The following XKR6 variants were observed in gnomAD, a reference collection of about 807,000 sequenced individuals.
XKR6 encodes the protein XK-related protein 6.
In XKR6, 22 loss-of-function variants were observed where a neutral mutation model predicts 56.7. That is an observed-to-expected ratio of 0.39 (90% CI 0.28 to 0.55). The LOEUF (loss-of-function observed/expected upper bound fraction) is 0.55, where lower values mean the gene tolerates loss of function less well. Ranked by LOEUF, XKR6 falls within the 20% of genes least tolerant of loss-of-function variation. The pLI, the probability that XKR6 is intolerant of heterozygous loss-of-function variation, is 0.66. For missense variants in XKR6, 852 were observed against 889.0 expected (o/e 0.96, Z 0.53); for synonymous variants, 524 against 387.8 (o/e 1.35, Z -4.13).
At chr8:11,042,278 G>C (rs1799305006) in intron 1 of XKR6, among the ~76,000 whole-genome samples, 1 of 150,956 alleles carries the variant, frequency 6.6e-6, no homozygotes, top group South Asian at 2.1e-4. Context: ...TACTAGTTGA[G>C]TATCTGATAT....
intron 1 of XKR6, among the ~76,000 whole-genome samples, chr8:11,192,943 T>C (rs915182313): frequency 2.0e-5 from 3 of 152,190 alleles, no homozygotes; most frequent in African/African-American, 4.8e-5. Context: ...TCCCAAGCCA[T>C]GGGTTTGGCA....
chr8:10,988,077 G>C (rs10216401), intron 1 of XKR6, among the ~76,000 whole-genome samples: 1 of 152,148 alleles, frequency 6.6e-6, no homozygotes, highest in East Asian at 1.9e-4. Context: ...GGCTGTTCCC[G>C]GGCCATCCCC....
At chr8:11,197,656 T>G (rs116080555) in intron 1 of XKR6, among the ~76,000 whole-genome samples, 1,573 of 152,338 alleles carry the variant, frequency 0.01, 32 homozygotes, top group African/African-American at 0.036. Flanking sequence ...AATCACACAC[T>G]AGTGCTCTGC....
intron 1 of XKR6, among the ~76,000 whole-genome samples, chr8:10,999,326 A>T (rs548327157): frequency 6.6e-6 from 1 of 152,350 alleles, no homozygotes; most frequent in African/African-American, 2.4e-5. Context: ...TCTGTTGGCT[A>T]AGGAGATGCA....
intron 2 of XKR6, among the ~76,000 whole-genome samples, chr8:10,912,823 C>CATAT (rs567939912): frequency 7.7e-6 from 1 of 129,936 alleles, no homozygotes; most frequent in Non-Finnish European, 1.6e-5. Flanking sequence ...AGTATATATA[C>CATAT]ATATATATAT....
intron 1 of XKR6, among the ~76,000 whole-genome samples, chr8:10,971,990 AC>A (rs1274266741): frequency 1.3e-5 from 2 of 151,982 alleles, no homozygotes; most frequent in African/African-American, 4.8e-5. Context: ...CTTTCCCTCC[AC>A]CTCCGATCAA....
intron 1 of XKR6, among the ~76,000 whole-genome samples, chr8:11,189,376 T>C (rs1016951045): frequency 2.8e-4 from 43 of 152,208 alleles, no homozygotes; most frequent in African/African-American, 9.6e-4. Context: ...CTCAATTATA[T>C]GTCATAATTT....
chr8:11,108,278 A>C (rs763620402), intron 1 of XKR6: 6 of 456,024 alleles, frequency 1.3e-5, no homozygotes, highest in Non-Finnish European at 2.2e-5. Context: ...GTGAATCTTG[A>C]CCATTTTCCT....
intron 1 of XKR6, among the ~76,000 whole-genome samples, chr8:11,013,296 T>C (rs954340602): frequency 6.6e-6 from 1 of 152,212 alleles, no homozygotes; most frequent in African/African-American, 2.4e-5. Context: ...CCATGTGGTT[T>C]TCTAAAGGTT....
chr8:11,088,367 A>G (rs1251987233), intron 1 of XKR6, among the ~76,000 whole-genome samples: 1 of 152,264 alleles, frequency 6.6e-6, no homozygotes, highest in Non-Finnish European at 1.5e-5. Context: ...CATTACGGAC[A>G]ATTTCAGATC....
intron 2 of XKR6, among the ~76,000 whole-genome samples, chr8:10,903,136 T>G (rs2129107496): frequency 6.6e-6 from 1 of 152,302 alleles, no homozygotes; most frequent in Admixed American, 6.5e-5. Flanking sequence ...GTCTTCAGCC[T>G]GCCCCCCAGG....
intron 1 of XKR6, among the ~76,000 whole-genome samples, chr8:11,065,235 G>C (rs749455285): frequency 6.6e-6 from 1 of 152,204 alleles, no homozygotes; most frequent in Non-Finnish European, 1.5e-5. Context: ...CAGGATTATA[G>C]AGCTGAATTT....
At chr8:11,093,522 C>T (rs1036497427) in intron 1 of XKR6, among the ~76,000 whole-genome samples, 6 of 152,164 alleles carry the variant, frequency 3.9e-5, no homozygotes, top group Admixed American at 2.0e-4. Flanking sequence ...ACTTAGTGCC[C>T]GGCCACATCC....
At chr8:10,900,951 C>T (rs569470511) in intron 2 of XKR6, among the ~76,000 whole-genome samples, 23 of 150,212 alleles carry the variant, frequency 1.5e-4, no homozygotes, top group African/African-American at 5.4e-4. Flanking sequence ...ACCTCCTGTG[C>T]TCAAGTGATC....
In XKR6 at chr8:11,033,440, TG is replaced by T. The variant is rs368809889; in HGVS notation, c.765-108611del. Among the ~76,000 whole-genome samples, 632 of 151,482 alleles carry T rather than the reference TG, an allele frequency of 4.2e-3. 7 individuals are homozygous for T. Among genetic ancestry groups the T allele is most frequent in the African/African-American group, 0.013 (536 of 40,972 alleles). The stretch of plus-strand genomic sequence containing the variant: ...ATGATGATGATGATGGTGATGATGA[TG>T]GTCGTAATGATGATGATGGTAATGA... On this transcript the variant is annotated intron_variant, in intron 1 of 2. Transcript: ENST00000416569.
chr8:10,963,676 C>G (rs1050937241), intron 1 of XKR6, among the ~76,000 whole-genome samples: 4 of 151,710 alleles, frequency 2.6e-5, no homozygotes, highest in Non-Finnish European at 4.4e-5. Context: ...CAACCTGTAG[C>G]TGGGACCACA....
In XKR6 at chr8:10,945,853, G is replaced by C. The variant is rs570684819; in HGVS notation, c.765-21023C>G. 9.3e-4 allele frequency among the ~76,000 whole-genome samples: 142 copies of C among 152,280 alleles called. 1 individual carries two copies. The highest frequency in any genetic ancestry group is 4.9e-3 in the Admixed American group (75 of 15,302). The stretch of plus-strand genomic sequence containing the variant: ...CGAGAGCTGGGTGGTGTGCAGAGCA[G>C]CTCATGGGAACTCCCAGCTCTGCTC... On this transcript the variant is annotated intron_variant, in intron 1 of 2. Coordinates refer to ENST00000416569, the MANE Select transcript of XKR6 (RefSeq NM_173683.4).
chr8:10,903,493 G>A (rs7815705), intron 2 of XKR6, among the ~76,000 whole-genome samples: 3 of 152,146 alleles, frequency 2.0e-5, no homozygotes, highest in African/African-American at 7.2e-5. Context: ...GGGGAGGTAG[G>A]TGCTAAGTTG....
chr8:11,070,402 T>C (rs1457830228), intron 1 of XKR6, among the ~76,000 whole-genome samples: 1 of 152,212 alleles, frequency 6.6e-6, no homozygotes, highest in Non-Finnish European at 1.5e-5. Context: ...ACATATGTAG[T>C]CAAGAACCAG....
Sources: gnomAD v4.1 joint callset for allele counts (sites outside exome capture counted in the v4.1 genomes callset) on GRCh38, gnomAD v4.1.1 for gene constraint, MANE v1.5 for transcripts, NCBI Gene and HGNC (gene_info 2026-07-23, HGNC 2026-07-21) for gene names.